Variants in FLCN observed in about 807,000 individuals in gnomAD.
The protein encoded by FLCN is folliculin, also known as BHD skin lesion fibrofolliculoma protein.
FLCN carries 22 observed loss-of-function variants against 62.5 expected under a neutral mutation model. That is an observed-to-expected ratio of 0.35 (90% confidence interval 0.25 to 0.50). The LOEUF (loss-of-function observed/expected upper bound fraction) is 0.50. FLCN is among the 20% of genes least tolerant of loss of function. The pLI, the probability that FLCN is intolerant of heterozygous loss-of-function variation, is 0.97. For missense variants in FLCN, 657 were observed against 778.0 expected (o/e 0.84, Z 1.85); for synonymous variants, 319 against 310.0 (o/e 1.03, Z -0.30).
At chr17:17,226,741 TC>T in intron 4 of FLCN, among the ~76,000 whole-genome samples, 1 of 152,130 alleles carries the variant, frequency 6.6e-6, no homozygotes, top group Non-Finnish European at 1.5e-5. Flanking sequence ...CCAGCCTCCA[TC>T]ATTGGTTCTG....
chr17:17,219,328 A>T, intron 8 of FLCN, 119 bp from the exon 9 acceptor site: 1 of 665,238 alleles, frequency 1.5e-6, no homozygotes, highest in Non-Finnish European at 2.5e-6. Flanking sequence ...GCCAGGTCCT[A>T]TGCTCCCTGC....
intron 1 of FLCN, among the ~76,000 whole-genome samples, chr17:17,234,703 T>C (rs2047530434): frequency 6.7e-6 from 1 of 148,522 alleles, no homozygotes; most frequent in Admixed American, 6.7e-5. Context: ...AATTGCCGGG[T>C]GTGGTGGCTC....
intron 8 of FLCN, chr17:17,221,226 T>G: frequency 6.5e-7 from 1 of 1,532,972 alleles, no homozygotes. Context: ...GGCCAAGCAC[T>G]TGGCTATCAC....
rs561829661 is a variant in FLCN, at chr17:17,226,369, G to A, written c.250-47C>T. ...AAATCTGTTAGTTGGGAAGCAGGGCGACAAACTCTCTTAGGTTTATGCAAA... is the reference window on the plus strand; with the variant it reads ...AAATCTGTTAGTTGGGAAGCAGGGCAACAAACTCTCTTAGGTTTATGCAAA... On this transcript the variant is annotated intron_variant, in intron 4 of 13. Transcript: ENST00000285071. 2.5e-5 allele frequency: 41 copies of A among 1,611,002 alleles called. No individual in the cohort carries two copies. Among genetic ancestry groups the A allele is most frequent in the South Asian group, 9.9e-5 (9 of 90,984 alleles).
At chr17:17,236,338 T>C (rs1436255398) in intron 1 of FLCN, among the ~76,000 whole-genome samples, 2 of 152,206 alleles carry the variant, frequency 1.3e-5, no homozygotes, top group African/African-American at 4.8e-5. Context: ...CCTGCCACTA[T>C]TACTCAATTA....
At chr17:17,233,363 C>G (rs999803829) in intron 1 of FLCN, among the ~76,000 whole-genome samples, 1 of 151,848 alleles carries the variant, frequency 6.6e-6, no homozygotes, top group Non-Finnish European at 1.5e-5. Flanking sequence ...TTTGGGAGGC[C>G]GAGGTGGGCA....
intron 11 of FLCN, among the ~76,000 whole-genome samples, chr17:17,215,720 T>C (rs1017729380): frequency 1.4e-4 from 21 of 152,126 alleles, no homozygotes; most frequent in African/African-American, 5.1e-4. Context: ...TTTCCAATGC[T>C]ACCCGGAAAA....
In FLCN at chr17:17,212,366, T is replaced by C. The variant is rs572462992; in HGVS notation, c.*1289A>G. 3 of 175,780 alleles carry C rather than the reference T, an allele frequency of 1.7e-5. No individual in the cohort carries two copies. The East Asian group carries it at 2.8e-4, about 17-fold the overall frequency. 10.9% of individuals were successfully genotyped at this position (175,780 alleles called of 1,614,324 possible). A position where few individuals can be genotyped will look rare whatever the true frequency, so the allele number is the denominator to read the frequency against. ...AATCCCTCTGAGCCATGAATCCTTA[T>C]TAAAAATGTATAGTGGGGGGTACCT... On this transcript the variant is annotated 3_prime_UTR_variant, in exon 14 of 14. Coordinates refer to ENST00000285071, the MANE Select transcript of FLCN (RefSeq NM_144997.7).
chr17:17,230,718 T>G (rs1195474342), intron 3 of FLCN, among the ~76,000 whole-genome samples: 3 of 120,488 alleles, frequency 2.5e-5, no homozygotes, highest in South Asian at 5.2e-4. Context: ...AGGGCGAGAC[T>G]CCATCTCAAA....
chr17:17,233,161 T>C (rs571598417), intron 1 of FLCN, among the ~76,000 whole-genome samples: 1 of 152,110 alleles, frequency 6.6e-6, no homozygotes, highest in African/African-American at 2.4e-5. Flanking sequence ...TTTTTAGAGA[T>C]AGGGTCTTGA....
In FLCN at chr17:17,215,028, C is replaced by T. The variant is rs2046868336; in HGVS notation, c.1495G>A (p.Val499Met). 1 of 1,614,230 alleles carries T rather than the reference C, an allele frequency of 6.2e-7. No individual in the cohort carries two copies. The highest frequency in any genetic ancestry group is 8.5e-7 in the Non-Finnish European group (1 of 1,180,046). ...AGGCAGACGAGGCACTGGTCCACCA[C>T]ATCCACAGACAGGTTCTGGTTGGTC... ...ALTNQNLSVDVVDQCLVCLKE... is the reference protein window; with the variant it reads ...ALTNQNLSVDMVDQCLVCLKE... The change falls in exon 13 of 14, where the codon GTG becomes ATG. Residue 499 changes from valine to methionine, a missense_variant. Transcript: ENST00000285071.
intron 1 of FLCN, among the ~76,000 whole-genome samples, chr17:17,234,747 G>A (rs1179951369): frequency 6.6e-6 from 1 of 151,728 alleles, no homozygotes; most frequent in East Asian, 2.0e-4. Flanking sequence ...GGAGGCCGAG[G>A]CAGGCGGACC....
rs2145009867 is a variant in FLCN, at chr17:17,226,173, C to T, written c.396+3G>A. On this transcript the variant is annotated splice_donor_region_variant and intron_variant, in intron 5 of 13. Transcript: ENST00000285071. ...AGACAGGCTCTGTGGCCACAAGGCTCACCTCACAGCTCAGGCTCCGGACAC... is the reference window on the plus strand; with the variant it reads ...AGACAGGCTCTGTGGCCACAAGGCTTACCTCACAGCTCAGGCTCCGGACAC... The T allele has an allele frequency of 1.2e-6, 2 of 1,613,914 alleles. No homozygotes were observed. Among genetic ancestry groups the T allele is most frequent in the Non-Finnish European group, 1.7e-6 (2 of 1,179,984 alleles).
At chr17:17,223,442 C>A (rs1340560569) in intron 6 of FLCN, among the ~76,000 whole-genome samples, 1 of 152,090 alleles carries the variant, frequency 6.6e-6, no homozygotes, top group Non-Finnish European at 1.5e-5. Flanking sequence ...AGGACGACCA[C>A]AGCAAGCAGA....
intron 1 of FLCN, chr17:17,235,407 A>G (rs1357151195): frequency 6.6e-6 from 1 of 151,780 alleles, no homozygotes; most frequent in African/African-American, 2.4e-5. Context: ...CCGAGATCGC[A>G]TCACTGCACT....
At chr17:17,217,246 TG>T (rs2046954984) in intron 9 of FLCN, 64 bp from the exon 10 acceptor site, 4 of 1,079,628 alleles carry the variant, frequency 3.7e-6, no homozygotes, top group Non-Finnish European at 5.7e-6. Context: ...TCCCTTCCCA[TG>T]AAGTTATTTG....
At chr17:17,233,491 C>T (rs1039992228) in intron 1 of FLCN, among the ~76,000 whole-genome samples, 10 of 148,344 alleles carry the variant, frequency 6.7e-5, no homozygotes, top group African/African-American at 2.5e-4. Flanking sequence ...CCCAGCTACT[C>T]GGGAGGCTGA....
rs2046933954 is a variant in FLCN at position 17,216,642 on chromosome 17, C to G, written c.1177-139G>C. 7.2e-7 allele frequency: 1 copy of G among 1,385,386 alleles called. No homozygotes were observed. The highest frequency in any genetic ancestry group is 9.8e-7 in the Non-Finnish European group (1 of 1,015,360). The allele number at this position is 1,385,386 out of a possible 1,614,324, so 85.8% of individuals were successfully genotyped here. ...CTCCTGCCAGAGGAGTCCCCAGACT[C>G]TCAGCCCACAGTGGGGGTGAGGGGG... On this transcript the variant is annotated intron_variant, in intron 10 of 13. Transcript: ENST00000285071. This position sits in a 1 kb window ranked among gnomAD's most constrained non-coding sequence, Gnocchi z 4.0.
chr17:17,232,268 T>G (rs867996747), intron 2 of FLCN, among the ~76,000 whole-genome samples: 16 of 151,956 alleles, frequency 1.1e-4, no homozygotes, highest in Non-Finnish European at 1.9e-4. Flanking sequence ...AGAGCTCCCC[T>G]CCACCCCGAC....
Sources: gnomAD v4.1 joint callset for allele counts (sites outside exome capture counted in the v4.1 genomes callset) on GRCh38, gnomAD v4.1.1 for gene constraint, Gnocchi (gnomAD v3.1) non-coding constraint, MANE v1.5 for transcripts, NCBI Gene and HGNC (gene_info 2026-07-23, HGNC 2026-07-21) for gene names.